The following CAMK1D variants were observed in gnomAD, a reference collection of about 807,000 sequenced individuals.
CAMK1D encodes the protein calcium/calmodulin dependent protein kinase ID.
Under a neutral mutation model 47.7 loss-of-function variants are expected in CAMK1D, and 9 were observed. The ratio of observed to expected loss-of-function variants is 0.19; its 90% confidence interval spans 0.11 to 0.33. The LOEUF is 0.33. Ranked by LOEUF, CAMK1D falls within the 10% of genes least tolerant of loss-of-function variation. The pLI, the probability that CAMK1D is intolerant of heterozygous loss-of-function variation, is 1.00. For missense variants in CAMK1D, 291 were observed against 488.7 expected (o/e 0.60, Z 3.81); for synonymous variants, 184 against 184.9 (o/e 0.99, Z 0.04).
intron 1 of CAMK1D, among the ~76,000 whole-genome samples, chr10:12,481,114 G>T (rs75069439): frequency 6.6e-6 from 1 of 152,128 alleles, no homozygotes; most frequent in Admixed American, 6.6e-5. Flanking sequence ...CTACTAAGAC[G>T]TGGGCATAAT....
chr10:12,380,148 G>A (rs906070205), intron 1 of CAMK1D, among the ~76,000 whole-genome samples: 1 of 152,104 alleles, frequency 6.6e-6, no homozygotes, highest in Non-Finnish European at 1.5e-5. Flanking sequence ...CTGGGAGGTG[G>A]AGCTTGCAGT....
intron 1 of CAMK1D, among the ~76,000 whole-genome samples, chr10:12,418,364 G>A (rs1839928457): frequency 6.6e-6 from 1 of 152,190 alleles, no homozygotes; most frequent in African/African-American, 2.4e-5. Context: ...CAGCACTTTG[G>A]GAGGCTGAGA....
intron 6 of CAMK1D, among the ~76,000 whole-genome samples, chr10:12,794,578 G>A (rs898761337): frequency 6.6e-6 from 1 of 152,134 alleles, no homozygotes; most frequent in South Asian, 2.1e-4. Flanking sequence ...AAGACATGCC[G>A]TATTCCTTTG....
At chr10:12,382,179 C>T (rs1049749407) in intron 1 of CAMK1D, among the ~76,000 whole-genome samples, 1 of 152,052 alleles carries the variant, frequency 6.6e-6, no homozygotes, top group African/African-American at 2.4e-5. Context: ...TGCTGTACCA[C>T]CTTTTAGGGA....
At chr10:12,515,402 C>CTTTTTTT (rs772694725) in intron 1 of CAMK1D, among the ~76,000 whole-genome samples, 3 of 102,016 alleles carry the variant, frequency 2.9e-5, no homozygotes, top group East Asian at 2.7e-4. Flanking sequence ...TTTTCCTTTT[C>CTTTTTTT]TTTTTTTTTT....
chr10:12,411,641 T>C (rs1165943157), intron 1 of CAMK1D, among the ~76,000 whole-genome samples: 4 of 150,758 alleles, frequency 2.7e-5, no homozygotes, highest in Admixed American at 1.3e-4. Context: ...TCCTGTTGCC[T>C]AGGCTGGAGT....
At position 12,748,108 on chromosome 10, in the gene CAMK1D, A is replaced by G. The variant is rs145970659; in HGVS notation, c.300-12840A>G. Among the ~76,000 whole-genome samples the G allele has an allele frequency of 6.0e-4, 92 of 152,346 alleles. 1 individual carries two copies. The highest frequency in any genetic ancestry group is 2.3e-3 in the Admixed American group (35 of 15,302). ...CGAAGGGATGCTAAGAAGCCATTCCAGAATCTGGTCTGGCCAGAACAATGC... is the reference window on the plus strand; with the variant it reads ...CGAAGGGATGCTAAGAAGCCATTCCGGAATCTGGTCTGGCCAGAACAATGC... On this transcript the variant is annotated intron_variant, in intron 3 of 10. Transcript: ENST00000619168.
chr10:12,804,654 C>CTCA (rs1564574798), intron 6 of CAMK1D, among the ~76,000 whole-genome samples: 6 of 151,416 alleles, frequency 4.0e-5, no homozygotes, highest in African/African-American at 1.5e-4. Context: ...AAGATACAGG[C>CTCA]TGAGTATGAT....
Position 12,494,987 on chromosome 10 carries a change from C to T in CAMK1D, c.93-58238C>T, listed in dbSNP as rs554702447. 1.4e-4 allele frequency among the ~76,000 whole-genome samples: 21 copies of T among 152,258 alleles called. No individual in the cohort carries two copies. In the South Asian group the frequency reaches 2.7e-3, roughly 20 times the overall value. On this transcript the variant is annotated intron_variant, in intron 1 of 10. Transcript: ENST00000619168. ...CAGCTGATTCTAAACGAGATCACTG[C>T]GGTCAGAGAGGCTCAGACATGGACT...
At chr10:12,443,031 A>G (rs139920759) in intron 1 of CAMK1D, among the ~76,000 whole-genome samples, 191 of 152,142 alleles carry the variant, frequency 1.3e-3, no homozygotes, top group African/African-American at 4.5e-3. Context: ...TTTCCCATCA[A>G]TTTTGAGCCA....
At chr10:12,751,659 A>T (rs542499856) in intron 3 of CAMK1D, among the ~76,000 whole-genome samples, 2 of 152,208 alleles carry the variant, frequency 1.3e-5, no homozygotes, top group Non-Finnish European at 2.9e-5. Context: ...GAGGGGTCTC[A>T]TCTGGTCTAG....
intron 1 of CAMK1D, among the ~76,000 whole-genome samples, chr10:12,470,651 G>A (rs1438000660): frequency 6.6e-6 from 1 of 152,028 alleles, no homozygotes; most frequent in African/African-American, 2.4e-5. Flanking sequence ...CGAGTGGCTG[G>A]AATTACTGGT....
At chr10:12,573,831 C>CTTTTTT (rs34038018) in intron 2 of CAMK1D, among the ~76,000 whole-genome samples, 3,596 of 64,052 alleles carry the variant, frequency 0.056, 605 homozygotes, top group East Asian at 0.11. Context: ...ATTAAAAAAA[C>CTTTTTT]TTTTTTTTTT....
intron 2 of CAMK1D, among the ~76,000 whole-genome samples, chr10:12,642,409 C>T (rs896352864): frequency 6.6e-6 from 1 of 152,162 alleles, no homozygotes; most frequent in Non-Finnish European, 1.5e-5. Flanking sequence ...TGCAGTTACA[C>T]GATGGATGAT....
intron 5 of CAMK1D, among the ~76,000 whole-genome samples, chr10:12,782,658 C>G (rs1167517645): frequency 7.9e-5 from 12 of 152,208 alleles, no homozygotes; most frequent in Non-Finnish European, 1.6e-4. Context: ...TCGCTTCGTC[C>G]CACTTCCTGG....
At chr10:12,424,037 C>T (rs919886122) in intron 1 of CAMK1D, among the ~76,000 whole-genome samples, 18 of 152,264 alleles carry the variant, frequency 1.2e-4, no homozygotes, top group African/African-American at 3.1e-4. Flanking sequence ...TCATCCACGC[C>T]GTGCGGCCTG....
chr10:12,373,948 C>A, intron 1 of CAMK1D, among the ~76,000 whole-genome samples: 1 of 115,838 alleles, frequency 8.6e-6, no homozygotes, highest in Non-Finnish European at 1.7e-5. Context: ...GACAGCGACA[C>A]TCTTTATCAA....
chr10:12,691,402 TAAATATATATATA>T (rs1832912150), intron 3 of CAMK1D, among the ~76,000 whole-genome samples: 1 of 7,288 alleles, frequency 1.4e-4, no homozygotes. Flanking sequence ...TATATATATA[TAAATATATATATA>T]TATATATTTT....
chr10:12,675,331 A>T (rs941589472), intron 3 of CAMK1D, among the ~76,000 whole-genome samples: 9 of 152,162 alleles, frequency 5.9e-5, no homozygotes, highest in Non-Finnish European at 1.3e-4. Flanking sequence ...TCTTCTCAGC[A>T]GTTCCATTTG....
Sources: gnomAD v4.1 joint callset for allele counts (sites outside exome capture counted in the v4.1 genomes callset) on GRCh38, gnomAD v4.1.1 for gene constraint, MANE v1.5 for transcripts, NCBI Gene and HGNC (gene_info 2026-07-23, HGNC 2026-07-21) for gene names.